The following CAND1 variants were observed in gnomAD, a reference collection of about 807,000 sequenced individuals.
CAND1 encodes cullin-associated NEDD8-dissociated protein 1.
In CAND1, 7 loss-of-function variants were observed where a neutral mutation model predicts 108.5. The ratio of observed to expected loss-of-function variants is 0.06; its 90% CI spans 0.04 to 0.12. CAND1 has a LOEUF of 0.12. CAND1 is among the 10% of genes least tolerant of loss of function. The probability of loss-of-function intolerance (pLI) is 1.00; values close to 1 mark genes in which losing one functional copy is unlikely to be tolerated. For synonymous variants in CAND1, 534 were observed against 512.0 expected (o/e 1.04, Z -0.58); for missense variants, 941 against 1,448.7 (o/e 0.65, Z 5.69).
At chr12:67,279,367 ACATGGACATGC>A (rs1203099018) in intron 1 of CAND1, among the ~76,000 whole-genome samples, 2 of 152,120 alleles carry the variant, frequency 1.3e-5, no homozygotes, top group African/African-American at 4.8e-5. Context: ...TGCTGAAGAG[ACATGGACATGC>A]CATGGACAGC....
intron 9 of CAND1, 140 bp from the exon 10 acceptor site, chr12:67,304,964 T>G (rs2136016609): frequency 1.1e-6 from 1 of 888,032 alleles, no homozygotes; most frequent in South Asian, 1.9e-5. Context: ...CTGTAATATT[T>G]ATTGTAGATG....
chr12:67,307,354 A>AGT (rs768828486), intron 10 of CAND1, 43 bp from the exon 11 acceptor site: 34 of 1,370,174 alleles, frequency 2.5e-5, no homozygotes, highest in Non-Finnish European at 3.1e-5. Context: ...CGTGAGTTTT[A>AGT]GTGGACTACA....
rs201868386 is a variant in CAND1, at chr12:67,306,485, C to T, written c.2817C>T (p.His939=). The T allele has an allele frequency of 2.4e-5, 39 of 1,613,924 alleles. No homozygotes were observed. The Admixed American group carries it at 6.5e-4, about 27-fold the overall frequency. The change falls in exon 10 of 15, where the codon CAC becomes CAT. Residue 939 remains histidine, a synonymous_variant. Coordinates refer to ENST00000545606, the MANE Select transcript of CAND1 (RefSeq NM_018448.5). The part of the protein sequence containing the change: ...VENIWALLLK[H]CECAEEGTRN... ...ACATCTGGGCCTTATTACTAAAGCA[C>T]TGTGAGTGTGCAGAGGAAGGAACCA...
intron 8 of CAND1, 24 bp downstream of exon 8, chr12:67,302,639 A>C: frequency 6.3e-7 from 1 of 1,585,694 alleles, no homozygotes; most frequent in Non-Finnish European, 8.6e-7. Context: ...TAAAGTTTAG[A>C]AAATCATGAT....
chr12:67,289,949 A>G (rs184251042), intron 2 of CAND1, among the ~76,000 whole-genome samples: 4 of 152,286 alleles, frequency 2.6e-5, no homozygotes, highest in Admixed American at 1.3e-4. Context: ...CATTTATCAA[A>G]TTAAATTTTC....
Position 67,288,549 on chromosome 12 carries a change from TATA to T in CAND1, c.213-4070_213-4068del, listed in dbSNP as rs1462408057. On this transcript the variant is annotated intron_variant, in intron 2 of 14. Coordinates refer to ENST00000545606, the MANE Select transcript of CAND1 (RefSeq NM_018448.5). ...TTCTTTTTCTTGCATTTTAAAGCTG[TATA>T]ATGTTAAAGACAAAATTGTTCTGAT... Among the ~76,000 whole-genome samples the T allele has an allele frequency of 2.6e-5, 4 of 152,350 alleles. No homozygotes were observed. In the East Asian group the frequency reaches 5.8e-4, roughly 22 times the overall value.
At chr12:67,311,483 A>G (rs1877944358) in intron 13 of CAND1, 1 of 3,542 alleles carries the variant, frequency 2.8e-4, no homozygotes, top group African/African-American at 9.8e-4. Context: ...TCTCTGGATG[A>G]TTCTAATGTG....
At position 67,318,560 on chromosome 12, in the gene CAND1, CTCCTAAATATCTCTT is replaced by C. The variant is rs1485358421; in HGVS notation, c.*5745_*5759del. On this transcript the variant is annotated 3_prime_UTR_variant, in exon 15 of 15. Transcript: ENST00000545606. ...TTTCCTAAATATCTCTCATGCCCAT[CTCCTAAATATCTCTT>C]TCCTAAATATCTCTCATGCTTTTGG... is the stretch of plus-strand genomic sequence containing the variant. 1 of 152,354 alleles carries C rather than the reference CTCCTAAATATCTCTT, an allele frequency of 6.6e-6. No individual in the cohort carries two copies. The highest frequency in any genetic ancestry group is 2.4e-5 in the African/African-American group (1 of 41,596). 9.4% of individuals were successfully genotyped at this position (152,354 alleles called of 1,614,324 possible).
chr12:67,303,679 G>T (rs141825885), intron 8 of CAND1, among the ~76,000 whole-genome samples: 1 of 152,116 alleles, frequency 6.6e-6, no homozygotes, highest in Non-Finnish European at 1.5e-5. Context: ...TAGAAGCTCC[G>T]TTGATAGCTT....
At chr12:67,311,579 G>A (rs2044950805) in intron 13 of CAND1, 114 bp from the exon 14 acceptor site, 1 of 663,602 alleles carries the variant, frequency 1.5e-6, no homozygotes, top group Non-Finnish European at 2.7e-6. Flanking sequence ...TACATTAAAA[G>A]GAAGGTTTAC....
intron 2 of CAND1, among the ~76,000 whole-genome samples, chr12:67,290,831 A>G (rs2044715836): frequency 6.6e-6 from 1 of 152,150 alleles, no homozygotes; most frequent in Admixed American, 6.5e-5. Flanking sequence ...CAGCAGGAGG[A>G]GAGCAGAGGG....
Position 67,305,503 on chromosome 12 carries a change from T to G in CAND1, c.1835T>G (p.Leu612Arg). Residue 612 changes from leucine to arginine, a missense_variant, in exon 10 of 15, where the codon CTT becomes CGT. Around this residue, in one of 9 missense-constraint regions of CAND1, gnomAD observed 697 missense variants for 942.0 expected, o/e 0.74. Transcript: ENST00000545606. This position sits in a 1 kb window ranked among gnomAD's most constrained non-coding sequence, Gnocchi z 4.4. ...TTGGGTTCTGACTTGCCTAATACAC[T>G]TCAGATTTTCTTGGAGAGACTAAAG... The part of the protein sequence containing the change: ...DNLGSDLPNT[L>R]QIFLERLKNE... 1 of 1,613,882 alleles carries G rather than the reference T, an allele frequency of 6.2e-7. No homozygotes were observed. The highest frequency in any genetic ancestry group is 8.5e-7 in the Non-Finnish European group (1 of 1,179,974).
At position 67,316,716 on chromosome 12, in the gene CAND1, A is replaced by G. The variant is rs1475333462; in HGVS notation, c.*3886A>G. On this transcript the variant is annotated 3_prime_UTR_variant, in exon 15 of 15. Transcript: ENST00000545606. The stretch of plus-strand genomic sequence containing the variant: ...TTTAATTATTTTGCTGAGGTCTTAG[A>G]AGACAGAAAGCTTATGCTATGTAAA... 2 of 152,242 alleles carry G rather than the reference A, an allele frequency of 1.3e-5. No homozygotes were observed. Among genetic ancestry groups the G allele is most frequent in the Non-Finnish European group, 2.9e-5 (2 of 68,040 alleles). 9.4% of individuals were successfully genotyped at this position (152,242 alleles called of 1,614,324 possible).
chr12:67,270,129 G>A (rs1463667365), intron 1 of CAND1: 47 of 247,756 alleles, frequency 1.9e-4, no homozygotes, highest in Non-Finnish European at 4.6e-5. Context: ...TGTGGAGAAG[G>A]GAGTTGCTCT....
chr12:67,288,136 A>T (rs1221119832), intron 2 of CAND1, among the ~76,000 whole-genome samples: 35 of 135,860 alleles, frequency 2.6e-4, no homozygotes, highest in Admixed American at 5.9e-4. Flanking sequence ...TCTTTTCTGA[A>T]TTTTTTTTTT....
chr12:67,285,224 C>G (rs944419121), intron 2 of CAND1, among the ~76,000 whole-genome samples: 1 of 152,092 alleles, frequency 6.6e-6, no homozygotes, highest in African/African-American at 2.4e-5. Context: ...TTACAGTTTT[C>G]TGTTGTTCCA....
chr12:67,295,126 C>G lies in CAND1; in HGVS notation c.461C>G (p.Ala154Gly). The G allele has an allele frequency of 6.2e-7, 1 of 1,612,662 alleles. No homozygotes were observed. The highest frequency in any genetic ancestry group is 8.5e-7 in the Non-Finnish European group (1 of 1,179,138). Residue 154 changes from alanine to glycine, a missense_variant, in exon 4 of 15, where the codon GCC becomes GGC. Ala to Gly is a moderately conservative substitution (Grantham distance 60). Around this residue, in one of 9 missense-constraint regions of CAND1, gnomAD observed 697 missense variants for 942.0 expected, o/e 0.74. Transcript: ENST00000545606. ...KQEDVSVQLEALDIMADMLSR... is the reference protein window; with the variant it reads ...KQEDVSVQLEGLDIMADMLSR... ...GAAGATGTCTCTGTTCAGCTAGAAG[C>G]CTTGGATATTATGGCTGATATGTTG... is the stretch of plus-strand genomic sequence containing the variant.
chr12:67,306,945 A>G (rs991263805), intron 10 of CAND1, among the ~76,000 whole-genome samples: 1 of 152,148 alleles, frequency 6.6e-6, no homozygotes. Context: ...AATTGGTGAC[A>G]GTACTTTTTT....
chr12:67,275,089 T>G (rs1190129189), intron 1 of CAND1, among the ~76,000 whole-genome samples: 2 of 152,174 alleles, frequency 1.3e-5, no homozygotes, highest in African/African-American at 4.8e-5. Flanking sequence ...CTTTGATGTT[T>G]TTTTCTTGAT....
Sources: allele counts gnomAD v4.1 joint callset (sites outside exome capture counted in the v4.1 genomes callset), GRCh38; gene constraint gnomAD v4.1.1; regional missense constraint gnomAD v4.1.1; non-coding constraint Gnocchi (gnomAD v3.1); transcripts MANE v1.5; gene names NCBI Gene and HGNC (gene_info 2026-07-23, HGNC 2026-07-21).